PAPPA2: variants seen among roughly 807,000 people sequenced by gnomAD.
PAPPA2 encodes the protein pappalysin-2.
PAPPA2 carries 86 observed loss-of-function variants against 176.4 expected under a neutral mutation model. That is an observed-to-expected ratio of 0.49 (90% confidence interval 0.41 to 0.58). The LOEUF is 0.58. Among genes scored for constraint, PAPPA2 ranks in the 20% least tolerant of loss-of-function variants. PAPPA2 has a pLI of 0.00. For synonymous variants in PAPPA2, 809 were observed against 852.2 expected (o/e 0.95, Z 0.88); for missense variants, 2,073 against 2,256.9 (o/e 0.92, Z 1.65).
At chr1:176,699,035 G>A in intron 7 of PAPPA2, 65 bp from the exon 8 acceptor site, 6 of 1,524,180 alleles carry the variant, frequency 3.9e-6, no homozygotes, top group Non-Finnish European at 5.3e-6. Context: ...TGGCTGCTAA[G>A]GGCTACTCAT....
At chr1:176,695,966 A>T in intron 7 of PAPPA2, 107 bp downstream of exon 7, 68 of 864,296 alleles carry the variant, frequency 7.9e-5, no homozygotes, top group Non-Finnish European at 1.1e-4. Context: ...ATGTATGTGT[A>T]TGTGTGTGTG....
intron 1 of PAPPA2, among the ~76,000 whole-genome samples, chr1:176,525,634 A>G (rs1244216853): frequency 6.6e-6 from 1 of 152,228 alleles, no homozygotes; most frequent in Non-Finnish European, 1.5e-5. Context: ...ATATACAGAC[A>G]GGTTTGAAAA....
chr1:176,480,689 T>C (rs1652351865), intron 1 of PAPPA2, among the ~76,000 whole-genome samples: 2 of 152,134 alleles, frequency 1.3e-5, no homozygotes, highest in African/African-American at 4.8e-5. Flanking sequence ...TCACAGAGAA[T>C]GGATGAAGGA....
intron 3 of PAPPA2, among the ~76,000 whole-genome samples, chr1:176,663,699 G>A (rs1658472318): frequency 6.6e-6 from 1 of 151,934 alleles, no homozygotes; most frequent in African/African-American, 2.4e-5. Flanking sequence ...TTGATGGTAG[G>A]TGCCTTGCCA....
At chr1:176,495,017 A>G (rs1371243789) in intron 1 of PAPPA2, among the ~76,000 whole-genome samples, 4 of 152,298 alleles carry the variant, frequency 2.6e-5, no homozygotes, top group East Asian at 3.9e-4. Context: ...TGCCTACACT[A>G]AAGTCAGGCC....
chr1:176,698,968 G>T, intron 7 of PAPPA2, 132 bp from the exon 8 acceptor site: 1 of 1,192,206 alleles, frequency 8.4e-7, no homozygotes, highest in Non-Finnish European at 1.2e-6. Flanking sequence ...GATCTAACCT[G>T]CTAAGATGAC....
At chr1:176,635,318 T>C (rs1361306719) in intron 3 of PAPPA2, among the ~76,000 whole-genome samples, 1 of 152,208 alleles carries the variant, frequency 6.6e-6, no homozygotes. Flanking sequence ...CTTCTCTTTT[T>C]CTTTATAAAA....
chr1:176,540,716 A>G lies in PAPPA2; in HGVS notation c.-916-14691A>G, dbSNP rs142557811. 1.2e-4 allele frequency among the ~76,000 whole-genome samples: 18 copies of G among 152,330 alleles called. No homozygotes were observed. In the East Asian group the frequency reaches 2.5e-3, roughly 21 times the overall value. On this transcript the variant is annotated intron_variant, in intron 1 of 22. Coordinates refer to ENST00000367662, the MANE Select transcript of PAPPA2 (RefSeq NM_020318.3). ...TGTTGAGTTGAGATGTCTCAGTACC[A>G]TACACTAAACTCTGAGTCATGTGAC... is the stretch of plus-strand genomic sequence containing the variant.
At chr1:176,650,084 G>C (rs1300058221) in intron 3 of PAPPA2, among the ~76,000 whole-genome samples, 2 of 151,310 alleles carry the variant, frequency 1.3e-5, no homozygotes, top group Non-Finnish European at 3.0e-5. Flanking sequence ...CCAGTGTTTG[G>C]TGCATAGATA....
chr1:176,585,386 A>C (rs1391246465), intron 2 of PAPPA2, among the ~76,000 whole-genome samples: 1 of 151,852 alleles, frequency 6.6e-6, no homozygotes. Flanking sequence ...ATTCCCTTAT[A>C]TGTGACTTGG....
At chr1:176,796,556 T>C (rs994944951) in intron 20 of PAPPA2, among the ~76,000 whole-genome samples, 10 of 152,222 alleles carry the variant, frequency 6.6e-5, no homozygotes, top group African/African-American at 2.4e-4. Context: ...TCATGGTGAC[T>C]TATGACCATC....
chr1:176,765,582 C>A, intron 14 of PAPPA2, 84 bp from the exon 15 acceptor site: 2 of 1,339,094 alleles, frequency 1.5e-6, no homozygotes, highest in Non-Finnish European at 1.0e-6. Flanking sequence ...GTTTAGGAGC[C>A]CTCCCAGATG....
chr1:176,479,051 T>C (rs537123996), intron 1 of PAPPA2, among the ~76,000 whole-genome samples: 22 of 152,220 alleles, frequency 1.4e-4, no homozygotes, highest in African/African-American at 5.3e-4. Context: ...TTGACAAGGA[T>C]TTTTTCACTC....
chr1:176,517,633 T>C (rs1044419494), intron 1 of PAPPA2, among the ~76,000 whole-genome samples: 12 of 152,096 alleles, frequency 7.9e-5, no homozygotes, highest in Admixed American at 7.9e-4. Context: ...CAGGTGACTG[T>C]GAGGCAGGGC....
intron 10 of PAPPA2, among the ~76,000 whole-genome samples, chr1:176,707,878 A>G (rs1660944758): frequency 6.6e-6 from 1 of 152,080 alleles, no homozygotes; most frequent in Non-Finnish European, 1.5e-5. Context: ...CAATCCAAAC[A>G]TCCCCTCATG....
chr1:176,805,661 T>G (rs1665872746), intron 21 of PAPPA2, among the ~76,000 whole-genome samples: 1 of 152,110 alleles, frequency 6.6e-6, no homozygotes, highest in Non-Finnish European at 1.5e-5. Flanking sequence ...TGTAACTTTG[T>G]GAGGACAGGG....
At chr1:176,634,344 A>G (rs562285413) in intron 3 of PAPPA2, among the ~76,000 whole-genome samples, 2 of 152,150 alleles carry the variant, frequency 1.3e-5, no homozygotes, top group South Asian at 4.2e-4. Flanking sequence ...GCAAGGACAA[A>G]AAACCAAACA....
chr1:176,591,343 T>A (rs1205811108), intron 2 of PAPPA2, among the ~76,000 whole-genome samples: 2 of 152,162 alleles, frequency 1.3e-5, no homozygotes, highest in Non-Finnish European at 2.9e-5. Flanking sequence ...CAGATTTGGA[T>A]GGTGGATGCC....
chr1:176,577,498 C>T (rs535594596), intron 2 of PAPPA2, among the ~76,000 whole-genome samples: 1 of 152,246 alleles, frequency 6.6e-6, no homozygotes, highest in African/African-American at 2.4e-5. Flanking sequence ...TTTGTAAAAG[C>T]TTGGAGTCAC....
Sources: gnomAD v4.1 joint callset for allele counts (sites outside exome capture counted in the v4.1 genomes callset) on GRCh38, gnomAD v4.1.1 for gene constraint, MANE v1.5 for transcripts, NCBI Gene and HGNC (gene_info 2026-07-23, HGNC 2026-07-21) for gene names.